Variants in CCDC60 observed in about 807,000 individuals in gnomAD.
CCDC60 encodes the protein coiled-coil domain-containing protein 60.
CCDC60 carries 54 observed loss-of-function variants against 63.5 expected under a neutral mutation model. The ratio of observed to expected loss-of-function variants is 0.85; its 90% CI spans 0.68 to 1.07. The LOEUF (loss-of-function observed/expected upper bound fraction) is 1.07. Ranked by LOEUF, CCDC60 falls within the 50% of genes least tolerant of loss-of-function variation. CCDC60 has a pLI of 0.00. For synonymous variants in CCDC60, 206 were observed against 238.8 expected, an observed-to-expected ratio of 0.86 and a Z score of 1.27; for missense variants, 651 against 684.3, an observed-to-expected ratio of 0.95 and a Z score of 0.54.
chr12:119,372,081 A>T (rs764692048), intron 1 of CCDC60, among the ~76,000 whole-genome samples: 5 of 152,238 alleles, frequency 3.3e-5, no homozygotes, highest in Non-Finnish European at 5.9e-5. Flanking sequence ...AACATGGTGA[A>T]ACCCCATCTC....
At chr12:119,475,487 T>A (rs997364581) in intron 3 of CCDC60, among the ~76,000 whole-genome samples, 3 of 152,236 alleles carry the variant, frequency 2.0e-5, no homozygotes, top group Admixed American at 1.3e-4. Context: ...TCTGGTTATG[T>A]CTTATCTGGT....
intron 1 of CCDC60, among the ~76,000 whole-genome samples, chr12:119,407,412 G>A (rs973207634): frequency 1.3e-5 from 2 of 152,072 alleles, no homozygotes; most frequent in African/African-American, 4.8e-5. Context: ...CGTGCCTGTG[G>A]TCCCAGCTAC....
Position 119,414,733 on chromosome 12 carries a change from TAG to T in CCDC60, c.91-13941_91-13940del, listed in dbSNP as rs147981530. On this transcript the variant is annotated intron_variant, in intron 1 of 13. Transcript: ENST00000327554. ...GTCCAGCTAATTGTTTTGTTTTTTG[TAG>T]AGAGAGAGGTCTCACTATGTTGCCC... Among the ~76,000 whole-genome samples the T allele has an allele frequency of 4.5e-3, 691 of 152,214 alleles. 5 individuals carry two copies. Among genetic ancestry groups the T allele is most frequent in the African/African-American group, 0.016 (661 of 41,532 alleles).
chr12:119,525,700 A>G (rs1391503446), intron 11 of CCDC60, among the ~76,000 whole-genome samples: 1 of 152,180 alleles, frequency 6.6e-6, no homozygotes, highest in Admixed American at 6.5e-5. Flanking sequence ...TACACACAAA[A>G]ATACCTAGGG....
intron 2 of CCDC60, among the ~76,000 whole-genome samples, chr12:119,437,518 G>A (rs1294364698): frequency 6.6e-6 from 1 of 152,180 alleles, no homozygotes. Context: ...TCAAATTGAG[G>A]CTTGGAGTAT....
intron 1 of CCDC60, among the ~76,000 whole-genome samples, chr12:119,373,718 C>T (rs1462920986): frequency 6.6e-6 from 1 of 152,056 alleles, no homozygotes; most frequent in African/African-American, 2.4e-5. Context: ...GGGGCGTCCC[C>T]CTTCATTTCC....
chr12:119,511,453 C>T (rs1463364345), intron 7 of CCDC60, among the ~76,000 whole-genome samples: 3 of 152,192 alleles, frequency 2.0e-5, no homozygotes. Flanking sequence ...TCCTGCTGGT[C>T]TTGAAGCTCT....
At chr12:119,394,510 C>T (rs966286186) in intron 1 of CCDC60, among the ~76,000 whole-genome samples, 2 of 152,230 alleles carry the variant, frequency 1.3e-5, no homozygotes, top group Non-Finnish European at 2.9e-5. Context: ...CACTGCCCCC[C>T]AGGCATCCCC....
chr12:119,499,326 G>A (rs921658030), intron 5 of CCDC60, among the ~76,000 whole-genome samples: 1 of 151,996 alleles, frequency 6.6e-6, no homozygotes, highest in Non-Finnish European at 1.5e-5. Flanking sequence ...ACTGGGGAGA[G>A]GGCATTTTAA....
intron 2 of CCDC60, among the ~76,000 whole-genome samples, chr12:119,461,137 C>G (rs1405727869): frequency 6.6e-6 from 1 of 152,138 alleles, no homozygotes; most frequent in East Asian, 1.9e-4. Context: ...ATCTGTAAAT[C>G]ACTCCAACTT....
At chr12:119,355,160 C>T (rs747510810) in intron 1 of CCDC60, among the ~76,000 whole-genome samples, 5 of 152,136 alleles carry the variant, frequency 3.3e-5, no homozygotes, top group Non-Finnish European at 7.4e-5. Flanking sequence ...CTTGGGTAAC[C>T]AGGGTGACTT....
At chr12:119,372,223 G>A (rs898097818) in intron 1 of CCDC60, among the ~76,000 whole-genome samples, 4 of 152,048 alleles carry the variant, frequency 2.6e-5, no homozygotes, top group Non-Finnish European at 4.4e-5. Context: ...TCACACCACC[G>A]CACTCCAGCC....
At chr12:119,487,270 G>A (rs1951468799) in intron 4 of CCDC60, among the ~76,000 whole-genome samples, 2 of 150,472 alleles carry the variant, frequency 1.3e-5, no homozygotes, top group Non-Finnish European at 3.0e-5. Context: ...GGTGGGAGCG[G>A]TATATTACCT....
chr12:119,422,948 A>G (rs1391170714), intron 1 of CCDC60, among the ~76,000 whole-genome samples: 5 of 152,188 alleles, frequency 3.3e-5, no homozygotes, highest in Non-Finnish European at 5.9e-5. Context: ...ACATAACACA[A>G]TGTTCATTAA....
intron 1 of CCDC60, among the ~76,000 whole-genome samples, chr12:119,361,186 G>T (rs1955786533): frequency 7.8e-6 from 1 of 129,000 alleles, no homozygotes; most frequent in South Asian, 2.8e-4. Context: ...GAGAGGGAGA[G>T]GGAGAGGGAG....
intron 1 of CCDC60, among the ~76,000 whole-genome samples, chr12:119,402,093 C>T (rs554860719): frequency 7.2e-5 from 11 of 152,282 alleles, no homozygotes; most frequent in Non-Finnish European, 1.3e-4. Flanking sequence ...AATAAGATCT[C>T]CCTGCAGCCA....
At chr12:119,412,245 C>T (rs957099936) in intron 1 of CCDC60, among the ~76,000 whole-genome samples, 13 of 152,048 alleles carry the variant, frequency 8.5e-5, no homozygotes, top group Admixed American at 7.2e-4. Flanking sequence ...GTGGCTTAAG[C>T]TCAGCTCTGC....
In CCDC60 at chr12:119,399,680, CAG is replaced by C. The variant is rs146587423; in HGVS notation, c.91-29002_91-29001del. Among the ~76,000 whole-genome samples the C allele has an allele frequency of 4.3e-3, 660 of 152,294 alleles. 3 individuals are homozygous for C. The highest frequency in any genetic ancestry group is 0.014 in the African/African-American group (589 of 41,556). ...ACAGTCCCCAACAGGGCTCTGAAGACAGGGGGGAAGGGAAGGATGTATGTGAT... is the reference window on the plus strand; with the variant it reads ...ACAGTCCCCAACAGGGCTCTGAAGACGGGGGAAGGGAAGGATGTATGTGAT... On this transcript the variant is annotated intron_variant, in intron 1 of 13. Coordinates refer to ENST00000327554, the MANE Select transcript of CCDC60 (RefSeq NM_178499.5).
intron 2 of CCDC60, among the ~76,000 whole-genome samples, chr12:119,432,338 C>T (rs547169036): frequency 3.3e-5 from 5 of 152,292 alleles, no homozygotes; most frequent in African/African-American, 1.2e-4. Context: ...CACAGCTTTG[C>T]CCAGAGATGT....
Sources: allele counts gnomAD v4.1 joint callset (sites outside exome capture counted in the v4.1 genomes callset), GRCh38; gene constraint gnomAD v4.1.1; transcripts MANE v1.5; gene names NCBI Gene and HGNC (gene_info 2026-07-23, HGNC 2026-07-21).